WWTR1: variants seen among roughly 807,000 people sequenced by gnomAD.
WWTR1 encodes WW domain-containing transcription regulator protein 1.
WWTR1 carries 13 observed loss-of-function variants against 40.1 expected under a neutral mutation model. The ratio of observed to expected loss-of-function variants is 0.32; its 90% CI spans 0.21 to 0.52. WWTR1 has a LOEUF of 0.52. WWTR1 is among the 20% of genes least tolerant of loss of function. WWTR1 has a pLI of 0.97. For missense variants in WWTR1, 436 were observed against 523.1 expected (o/e 0.83, Z 1.63); for synonymous variants, 230 against 210.1 (o/e 1.09, Z -0.82).
At chr3:149,603,554 C>CCCCCCCCG (rs1397678075) in intron 2 of WWTR1, among the ~76,000 whole-genome samples, 1 of 146,580 alleles carries the variant, frequency 6.8e-6, no homozygotes, top group Admixed American at 7.0e-5. Flanking sequence ...TTCCCCACCC[C>CCCCCCCCG]CCCCTTGTAC....
At chr3:149,529,782 C>A (rs377233494) in intron 4 of WWTR1, among the ~76,000 whole-genome samples, 2 of 152,246 alleles carry the variant, frequency 1.3e-5, no homozygotes, top group Non-Finnish European at 2.9e-5. Context: ...AGTCCCCATC[C>A]CTCAAGCACA....
At chr3:149,561,129 T>A (rs1033638750) in intron 3 of WWTR1, among the ~76,000 whole-genome samples, 9 of 152,184 alleles carry the variant, frequency 5.9e-5, no homozygotes, top group African/African-American at 2.2e-4. Flanking sequence ...AATGTATGTG[T>A]GTGCAAGAAA....
intron 1 of WWTR1, among the ~76,000 whole-genome samples, chr3:149,678,393 C>T (rs1300580227): frequency 6.6e-6 from 1 of 152,186 alleles, no homozygotes; most frequent in Non-Finnish European, 1.5e-5. Context: ...GGAACACAAA[C>T]TCCCCTGGCA....
chr3:149,723,944 C>T (rs1452716419), intron 4 of WWTR1: 1 of 152,208 alleles, frequency 6.6e-6, no homozygotes, highest in African/African-American at 2.4e-5. Flanking sequence ...ATGTGCACAG[C>T]TGCCTGACAT....
At chr3:149,720,547 AG>A (rs1477866538) in intron 4 of WWTR1, among the ~76,000 whole-genome samples, 1 of 152,120 alleles carries the variant, frequency 6.6e-6, no homozygotes, top group Non-Finnish European at 1.5e-5. Flanking sequence ...TAAATCAGTA[AG>A]TGTGAGTCCT....
chr3:149,614,377 T>C (rs1327483315), intron 2 of WWTR1, among the ~76,000 whole-genome samples: 1 of 152,198 alleles, frequency 6.6e-6, no homozygotes, highest in Non-Finnish European at 1.5e-5. Flanking sequence ...TTCAGTACAG[T>C]AACATACTGT....
upstream of WWTR1, chr3:149,659,241 A>C (rs780922683): frequency 6.6e-6 from 1 of 152,102 alleles, no homozygotes; most frequent in Non-Finnish European, 1.5e-5. Flanking sequence ...AGACAATGTA[A>C]AGCACTTCGC....
At chr3:149,684,718 C>T (rs143866379) in intron 1 of WWTR1, among the ~76,000 whole-genome samples, 325 of 152,186 alleles carry the variant, frequency 2.1e-3, no homozygotes, top group South Asian at 7.7e-3. Context: ...TGTGTGCTAT[C>T]ACACCCAGCT....
intron 2 of WWTR1, among the ~76,000 whole-genome samples, chr3:149,668,606 T>C (rs1295170031): frequency 2.5e-5 from 1 of 40,532 alleles, no homozygotes; most frequent in Admixed American, 2.5e-4. Flanking sequence ...AGATTGTGTC[T>C]CAAAAAAAAC....
intron 3 of WWTR1, among the ~76,000 whole-genome samples, chr3:149,555,261 T>C (rs1287658884): frequency 6.6e-6 from 1 of 152,164 alleles, no homozygotes; most frequent in East Asian, 1.9e-4. Context: ...GTAAACATCT[T>C]TATTATGGAG....
At chr3:149,617,270 C>T (rs1271261819) in intron 2 of WWTR1, among the ~76,000 whole-genome samples, 1 of 152,168 alleles carries the variant, frequency 6.6e-6, no homozygotes, top group East Asian at 1.9e-4. Context: ...CTCACTCTCA[C>T]TCCAGGGCAA....
chr3:149,533,083 C>T (rs539216990), intron 4 of WWTR1, among the ~76,000 whole-genome samples: 1 of 152,334 alleles, frequency 6.6e-6, no homozygotes, highest in East Asian at 1.9e-4. Flanking sequence ...TCCCACTGTG[C>T]TCCAGTTAAA....
At chr3:149,546,429 G>A (rs560729741) in intron 3 of WWTR1, among the ~76,000 whole-genome samples, 2 of 152,222 alleles carry the variant, frequency 1.3e-5, no homozygotes, top group South Asian at 2.1e-4. Context: ...CTTAGAGATC[G>A]TCCAGAAGGG....
At chr3:149,619,341 G>T (rs1210736852) in intron 2 of WWTR1, among the ~76,000 whole-genome samples, 1 of 152,108 alleles carries the variant, frequency 6.6e-6, no homozygotes, top group Non-Finnish European at 1.5e-5. Context: ...AAGGAACCAG[G>T]CCAGATTAGT....
Position 149,671,529 on chromosome 3 carries a change from C to A in WWTR1, c.-107-1638G>T, listed in dbSNP as rs543554933. 2.6e-5 allele frequency among the ~76,000 whole-genome samples: 4 copies of A among 152,238 alleles called. No individual in the cohort carries two copies. The East Asian group carries it at 7.7e-4, about 29-fold the overall frequency. ...CCTTCACAAAATTTTCAGTTGACAT[C>A]TAAAATATTACATCGTATGTTTGAA... On this transcript the variant is annotated intron_variant, in intron 1 of 7. Coordinates refer to the WWTR1 transcript ENST00000465804.
chr3:149,554,006 G>A (rs888490203), intron 3 of WWTR1, among the ~76,000 whole-genome samples: 5 of 152,076 alleles, frequency 3.3e-5, no homozygotes, highest in East Asian at 1.9e-4. Context: ...ACAATGAGCC[G>A]CTTGTTTCTC....
chr3:149,628,361 T>C (rs1181766769), intron 2 of WWTR1, among the ~76,000 whole-genome samples: 1 of 152,206 alleles, frequency 6.6e-6, no homozygotes, highest in Non-Finnish European at 1.5e-5. Flanking sequence ...AGAGCGAGAC[T>C]CCGTCTCAAA....
chr3:149,532,146 A>C (rs1422345535), intron 4 of WWTR1, among the ~76,000 whole-genome samples: 1 of 152,200 alleles, frequency 6.6e-6, no homozygotes, highest in Non-Finnish European at 1.5e-5. Flanking sequence ...AAGAGCACCC[A>C]CCCAAGAAGG....
chr3:149,527,750 C>A, intron 5 of WWTR1, 86 bp downstream of exon 5: 4 of 1,589,182 alleles, frequency 2.5e-6, no homozygotes, highest in Non-Finnish European at 3.4e-6. Context: ...CTCCCCACCT[C>A]TTCCCAATGT....
Sources: gnomAD v4.1 joint callset for allele counts (sites outside exome capture counted in the v4.1 genomes callset) on GRCh38, gnomAD v4.1.1 for gene constraint, MANE v1.5 for transcripts, NCBI Gene and HGNC (gene_info 2026-07-23, HGNC 2026-07-21) for gene names.